EEA1: variants seen among roughly 807,000 people sequenced by gnomAD.
EEA1 encodes early endosome antigen 1.
Under a neutral mutation model 209.2 loss-of-function variants are expected in EEA1, and 111 were observed. That is an observed-to-expected ratio of 0.53 (90% CI 0.45 to 0.62). EEA1 has a LOEUF of 0.62. EEA1 is among the 20% of genes least tolerant of loss of function. EEA1 has a pLI of 0.00. For synonymous variants in EEA1, 536 were observed against 540.6 expected (o/e 0.99, Z 0.12); for missense variants, 1,343 against 1,530.8 (o/e 0.88, Z 2.05).
At chr12:92,791,148 G>A (rs888935911) in intron 21 of EEA1, among the ~76,000 whole-genome samples, 2 of 152,122 alleles carry the variant, frequency 1.3e-5, no homozygotes, top group Non-Finnish European at 1.5e-5. Context: ...AGGTACAACC[G>A]GTACCAGCCA....
chr12:92,834,125 T>C (rs1876798189), intron 10 of EEA1, among the ~76,000 whole-genome samples: 5 of 151,800 alleles, frequency 3.3e-5, no homozygotes, highest in Admixed American at 1.3e-4. Flanking sequence ...TATTGCTGCG[T>C]TCCCCAACAT....
intron 20 of EEA1, among the ~76,000 whole-genome samples, chr12:92,800,240 A>G (rs995363523): frequency 6.6e-6 from 1 of 151,984 alleles, no homozygotes; most frequent in Non-Finnish European, 1.5e-5. Context: ...ATAATAATAC[A>G]CTGTAGAATA....
intron 2 of EEA1, among the ~76,000 whole-genome samples, chr12:92,876,407 T>A (rs1878888420): frequency 6.6e-6 from 1 of 152,080 alleles, no homozygotes; most frequent in Non-Finnish European, 1.5e-5. Flanking sequence ...TTCCACCCAC[T>A]TGAATGTAAG....
chr12:92,816,478 G>T, intron 14 of EEA1, 78 bp from the exon 15 acceptor site: 1 of 1,369,974 alleles, frequency 7.3e-7, no homozygotes, highest in Non-Finnish European at 1.0e-6. Flanking sequence ...TAAGAACCAT[G>T]AGAATATTAA....
At position 92,795,323 on chromosome 12, in the gene EEA1, G is replaced by C. The variant is rs147123239; in HGVS notation, c.2967+3569C>G. Reference sequence around the variant, plus strand: ...AGCTTCTTTGATCACCCAACCTTCAGTAGAATTATGTCCCATCACTATCTT... The same window carrying C: ...AGCTTCTTTGATCACCCAACCTTCACTAGAATTATGTCCCATCACTATCTT... On this transcript the variant is annotated intron_variant, in intron 21 of 28. Coordinates refer to ENST00000322349, the MANE Select transcript of EEA1 (RefSeq NM_003566.4). Among the ~76,000 whole-genome samples the C allele has an allele frequency of 3.2e-3, 486 of 152,262 alleles. 2 individuals carry two copies. Among genetic ancestry groups the C allele is most frequent in the African/African-American group, 0.011 (464 of 41,548 alleles).
Position 92,809,066 on chromosome 12 carries a change from C to T in EEA1, c.2290G>A (p.Glu764Lys), listed in dbSNP as rs753471917. The T allele has an allele frequency of 6.2e-7, 1 of 1,606,350 alleles. No individual in the cohort carries two copies. Residue 764 changes from glutamate (E) to lysine (K), a missense_variant, in exon 18 of 29, where the codon GAG becomes AAG. Glu to Lys is a moderately conservative substitution (Grantham distance 56, BLOSUM62 1). Around this residue, in one of 3 missense-constraint regions of EEA1, gnomAD observed 1,307 missense variants for 1,465.5 expected, o/e 0.89. Transcript: ENST00000322349. ...TTACTCAATTCTGTGGCTCTGAGCT[C>T]TAAATCTGTGTTCAGCTGTCTTTGC... Reference protein sequence around the residue: ...QQQRQLNTDLELRATELSKQL... With the variant: ...QQQRQLNTDLKLRATELSKQL...
chr12:92,815,354 A>T, intron 15 of EEA1, among the ~76,000 whole-genome samples: 1 of 152,212 alleles, frequency 6.6e-6, no homozygotes, highest in Non-Finnish European at 1.5e-5. Context: ...CATTGTCACT[A>T]GACTCCCATT....
At chr12:92,882,448 G>GT (rs1879190644) in intron 2 of EEA1, among the ~76,000 whole-genome samples, 1 of 151,720 alleles carries the variant, frequency 6.6e-6, no homozygotes, top group Admixed American at 6.6e-5. Flanking sequence ...TTCAGAGGGT[G>GT]TATGTGCAGG....
intron 2 of EEA1, among the ~76,000 whole-genome samples, chr12:92,876,314 C>T (rs771128500): frequency 2.1e-4 from 32 of 152,072 alleles, no homozygotes; most frequent in Non-Finnish European, 8.8e-5. Flanking sequence ...CCTCCCACCA[C>T]AGCCTCCCAA....
chr12:92,800,421 A>G (rs1874854902), intron 20 of EEA1, among the ~76,000 whole-genome samples: 1 of 152,168 alleles, frequency 6.6e-6, no homozygotes, highest in South Asian at 2.1e-4. Context: ...TCATGTTTTC[A>G]TGTTCTATGC....
At chr12:92,782,453 A>G (rs1416845421) in intron 22 of EEA1, among the ~76,000 whole-genome samples, 1 of 152,190 alleles carries the variant, frequency 6.6e-6, no homozygotes, top group Non-Finnish European at 1.5e-5. Flanking sequence ...ATATGAAAGA[A>G]TACCAAATAA....
rs531344585 is a variant in EEA1 at position 92,791,302 on chromosome 12, T to A, written c.2968-3253A>T. On this transcript the variant is annotated intron_variant, in intron 21 of 28. Coordinates refer to ENST00000322349, the MANE Select transcript of EEA1 (RefSeq NM_003566.4). ...TAACCTTAAATATAAATGGGCTAAATGCCCCAATTAAAAGACACAGACTGG... is the reference window on the plus strand; with the variant it reads ...TAACCTTAAATATAAATGGGCTAAAAGCCCCAATTAAAAGACACAGACTGG... Among the ~76,000 whole-genome samples, 183 of 152,244 alleles carry A rather than the reference T, an allele frequency of 1.2e-3. 2 individuals carry two copies. Among genetic ancestry groups the A allele is most frequent in the African/African-American group, 3.9e-3 (164 of 41,536 alleles).
Position 92,832,502 on chromosome 12 carries a change from C to T in EEA1, c.1254+10G>A, listed in dbSNP as rs754141718. The T allele has an allele frequency of 4.4e-6, 7 of 1,581,476 alleles. No homozygotes were observed. In the South Asian group the frequency reaches 5.9e-5, roughly 13 times the overall value. On this transcript the variant is annotated intron_variant, in intron 11 of 28. Transcript: ENST00000322349. ...GGAGAATTACAATAAATAAAATTAA[C>T]AGCTCTTACTTGATTAATTTCACTT... is the stretch of plus-strand genomic sequence containing the variant.
At chr12:92,824,792 CTTGA>C (rs1876218042) in intron 13 of EEA1, among the ~76,000 whole-genome samples, 1 of 152,150 alleles carries the variant, frequency 6.6e-6, no homozygotes, top group Admixed American at 6.5e-5. Context: ...GCCTATTTAC[CTTGA>C]TTATCCTTGC....
intron 2 of EEA1, among the ~76,000 whole-genome samples, chr12:92,876,629 C>T (rs1407349442): frequency 6.6e-6 from 1 of 151,926 alleles, no homozygotes; most frequent in African/African-American, 2.4e-5. Context: ...TTATAAGCTA[C>T]CAAGTCTGTG....
At chr12:92,926,356 G>C (rs1163610627) in intron 1 of EEA1, among the ~76,000 whole-genome samples, 1 of 152,136 alleles carries the variant, frequency 6.6e-6, no homozygotes, top group East Asian at 1.9e-4. Flanking sequence ...ATTAACAATA[G>C]CTTTAATCTT....
chr12:92,865,076 G>C, intron 2 of EEA1, 89 bp from the exon 3 acceptor site: 1 of 1,053,750 alleles, frequency 9.5e-7, no homozygotes, highest in Non-Finnish European at 1.3e-6. Flanking sequence ...CCAAATGTCT[G>C]AATCATACCA....
intron 1 of EEA1, among the ~76,000 whole-genome samples, chr12:92,908,482 ATT>A (rs1226213606): frequency 6.6e-6 from 1 of 152,188 alleles, no homozygotes; most frequent in Non-Finnish European, 1.5e-5. Flanking sequence ...TTTAAAAAAA[ATT>A]TTTTTAAAAC....
intron 2 of EEA1, among the ~76,000 whole-genome samples, chr12:92,870,782 T>G (rs529725503): frequency 1.3e-5 from 2 of 152,070 alleles, no homozygotes; most frequent in Admixed American, 1.3e-4. Context: ...GTTCAAGCGA[T>G]TCTTGTGCCT....
Sources: gnomAD v4.1 joint callset for allele counts (sites outside exome capture counted in the v4.1 genomes callset) on GRCh38, gnomAD v4.1.1 for gene constraint, gnomAD v4.1.1 regional missense constraint, MANE v1.5 for transcripts, NCBI Gene and HGNC (gene_info 2026-07-23, HGNC 2026-07-21) for gene names.